ATP2B2: variants seen among roughly 807,000 people sequenced by gnomAD.
ATP2B2 encodes the protein ATPase plasma membrane Ca2+ transporting 2, also known as plasma membrane calcium-transporting ATPase 2.
Under a neutral mutation model 120.0 loss-of-function variants are expected in ATP2B2, and 15 were observed. The observed-to-expected ratio is 0.12, with a 90% CI of 0.08 to 0.19. The LOEUF (loss-of-function observed/expected upper bound fraction) is 0.19, where lower values mean the gene tolerates loss of function less well. ATP2B2 is among the 10% of genes least tolerant of loss of function. The pLI, the probability that ATP2B2 is intolerant of heterozygous loss-of-function variation, is 1.00. For synonymous variants in ATP2B2, 694 were observed against 700.3 expected (o/e 0.99, Z 0.14); for missense variants, 1,045 against 1,719.8 (o/e 0.61, Z 6.94).
chr3:10,434,822 C>T lies in ATP2B2; in HGVS notation c.199+14523G>A, dbSNP rs577061591. ...GAGGATGTCACTGGCCAGAAGGAGG[C>T]AGATGAGTGAGGCCTGGAAATTGGG... On this transcript the variant is annotated intron_variant, in intron 2 of 22. Coordinates refer to ENST00000360273, the MANE Select transcript of ATP2B2 (RefSeq NM_001001331.4). Among the ~76,000 whole-genome samples, 4 of 152,372 alleles carry T rather than the reference C, an allele frequency of 2.6e-5. No homozygotes were observed. The East Asian group carries it at 7.7e-4, about 29-fold the overall frequency.
At chr3:10,483,041 C>G (rs1367975492) in intron 1 of ATP2B2, among the ~76,000 whole-genome samples, 1 of 152,218 alleles carries the variant, frequency 6.6e-6, no homozygotes, top group Non-Finnish European at 1.5e-5. Context: ...CCCAACGTGA[C>G]ACAGCTCATA....
At chr3:10,573,539 G>T (rs570954873) in intron 2 of ATP2B2, among the ~76,000 whole-genome samples, 1 of 152,250 alleles carries the variant, frequency 6.6e-6, no homozygotes, top group East Asian at 1.9e-4. Context: ...TCAGATTTCT[G>T]GGGGAGCTTG....
At chr3:10,466,128 T>C (rs2064729453) in intron 1 of ATP2B2, among the ~76,000 whole-genome samples, 1 of 152,244 alleles carries the variant, frequency 6.6e-6, no homozygotes, top group Non-Finnish European at 1.5e-5. Context: ...GACAGGGAGT[T>C]CACTCTCTTT....
At chr3:10,470,588 G>A (rs1421825411) in intron 1 of ATP2B2, among the ~76,000 whole-genome samples, 2 of 152,218 alleles carry the variant, frequency 1.3e-5, no homozygotes, top group Admixed American at 6.5e-5. Context: ...CCCAGGATGA[G>A]CTAAGCAATA....
rs574741867 is a variant in ATP2B2, at chr3:10,682,398, A to G, written c.-460+25517T>C. On this transcript the variant is annotated intron_variant, in intron 1 of 21. Coordinates refer to the ATP2B2 transcript ENST00000646379. ...GGCTGAGACTATGGGCTTAGCTTGC[A>G]CCCCCAGCTCCTTCATGCACCTGGA... Among the ~76,000 whole-genome samples, 37 of 152,226 alleles carry G rather than the reference A, an allele frequency of 2.4e-4. No homozygotes were observed. In the South Asian group the frequency reaches 7.1e-3, roughly 29 times the overall value.
chr3:10,386,620 T>A, intron 6 of ATP2B2, 108 bp from the exon 7 acceptor site: 1 of 1,222,994 alleles, frequency 8.2e-7, no homozygotes, highest in Non-Finnish European at 1.2e-6. Flanking sequence ...CACATGGCCA[T>A]ACACCTAGGG....
chr3:10,674,165 C>A (rs999418862), intron 1 of ATP2B2, among the ~76,000 whole-genome samples: 1 of 152,126 alleles, frequency 6.6e-6, no homozygotes, highest in East Asian at 1.9e-4. Flanking sequence ...GTGTGGGAAC[C>A]ATTTGGGGGT....
At chr3:10,483,879 C>T (rs979121391) in intron 1 of ATP2B2, among the ~76,000 whole-genome samples, 1 of 152,302 alleles carries the variant, frequency 6.6e-6, no homozygotes, top group South Asian at 2.1e-4. Context: ...TTGGCGTCAG[C>T]CCCCGGCACA....
At chr3:10,683,760 G>GTGTA (rs1446781892) in intron 1 of ATP2B2, among the ~76,000 whole-genome samples, 831 of 53,612 alleles carry the variant, frequency 0.016, 13 homozygotes, top group Non-Finnish European at 0.02. Flanking sequence ...GTGTGTGTGT[G>GTGTA]TATATATATA....
At chr3:10,470,595 A>T (rs184093343) in intron 1 of ATP2B2, among the ~76,000 whole-genome samples, 4 of 152,282 alleles carry the variant, frequency 2.6e-5, no homozygotes, top group Admixed American at 2.0e-4. Flanking sequence ...TGAGCTAAGC[A>T]ATAGGTGAGG....
At chr3:10,358,541 TC>T (rs767005648) in intron 14 of ATP2B2, 149 bp downstream of exon 14, 235 of 836,582 alleles carry the variant, frequency 2.8e-4, no homozygotes, top group Non-Finnish European at 3.7e-4. Flanking sequence ...TCATGGGCAA[TC>T]CTCTTATGAG....
intron 3 of ATP2B2, among the ~76,000 whole-genome samples, chr3:10,512,461 T>TGCGCAC (rs2066781411): frequency 1.9e-5 from 2 of 102,982 alleles, no homozygotes; most frequent in African/African-American, 7.4e-5. Context: ...CTAAAGTGTG[T>TGCGCAC]GCGCACACAC....
At chr3:10,406,062 T>C (rs550076943) in intron 3 of ATP2B2, among the ~76,000 whole-genome samples, 31 of 152,306 alleles carry the variant, frequency 2.0e-4, no homozygotes, top group Non-Finnish European at 3.7e-4. Flanking sequence ...GCAGCACCCA[T>C]AGCCCTGCCC....
intron 1 of ATP2B2, among the ~76,000 whole-genome samples, chr3:10,492,358 C>A (rs1353667026): frequency 6.6e-6 from 1 of 152,170 alleles, no homozygotes; most frequent in Non-Finnish European, 1.5e-5. Flanking sequence ...GCCCCCAAAC[C>A]CCTCATTAAG....
intron 2 of ATP2B2, among the ~76,000 whole-genome samples, chr3:10,552,523 A>G (rs6810046): frequency 0.42 from 64,534 of 152,160 alleles, 13,928 homozygotes; most frequent in South Asian, 0.52. Flanking sequence ...ACTTAACATC[A>G]GAAAGGCAAT....
intron 2 of ATP2B2, among the ~76,000 whole-genome samples, chr3:10,447,494 G>A (rs909486924): frequency 6.6e-6 from 1 of 152,224 alleles, no homozygotes; most frequent in Non-Finnish European, 1.5e-5. Flanking sequence ...CACCTGTTGC[G>A]TGTGGTTGGC....
chr3:10,376,250 C>T (rs1456802126), intron 10 of ATP2B2, among the ~76,000 whole-genome samples: 1 of 152,036 alleles, frequency 6.6e-6, no homozygotes, highest in African/African-American at 2.4e-5. Flanking sequence ...TATGGTGACA[C>T]ATTGTGAAGA....
chr3:10,337,661 A>G (rs1199052905), intron 22 of ATP2B2, among the ~76,000 whole-genome samples: 1 of 152,000 alleles, frequency 6.6e-6, no homozygotes, highest in Non-Finnish European at 1.5e-5. Flanking sequence ...GTGCTTGAGG[A>G]TGACTGACCT....
chr3:10,466,828 T>G (rs1440383327), intron 1 of ATP2B2, among the ~76,000 whole-genome samples: 1 of 152,148 alleles, frequency 6.6e-6, no homozygotes, highest in Non-Finnish European at 1.5e-5. Context: ...GTAAGAAAAC[T>G]AAGGCTAGAG....
Sources: allele counts gnomAD v4.1 joint callset (sites outside exome capture counted in the v4.1 genomes callset), GRCh38; gene constraint gnomAD v4.1.1; transcripts MANE v1.5; gene names NCBI Gene and HGNC (gene_info 2026-07-23, HGNC 2026-07-21).